The following AEN variants were observed in gnomAD, a reference collection of about 807,000 sequenced individuals.
AEN encodes apoptosis enhancing nuclease, also known as apoptosis-enhancing nuclease.
AEN carries 21 observed loss-of-function variants against 17.7 expected under a neutral mutation model. The ratio of observed to expected loss-of-function variants is 1.19; its 90% confidence interval spans 0.84 to 1.71. AEN has a LOEUF of 1.71. Among genes scored for constraint, AEN ranks in the 40% most tolerant of loss-of-function variants. The pLI, the probability that AEN is intolerant of heterozygous loss-of-function variation, is 0.00. For missense variants in AEN, 462 were observed against 435.9 expected, an observed-to-expected ratio of 1.06 and a Z score of -0.53; for synonymous variants, 190 against 173.0, an observed-to-expected ratio of 1.10 and a Z score of -0.77.
chr15:88,616,234 C>T, the AEN span, among the ~76,000 whole-genome samples: 1 of 152,240 alleles, frequency 6.6e-6, no homozygotes, highest in South Asian at 2.1e-4. Flanking sequence ...GCTAGGATTA[C>T]AGGCAAGTGT....
At chr15:88,613,484 A>G in the AEN span, among the ~76,000 whole-genome samples, 10 of 151,902 alleles carry the variant, frequency 6.6e-5, no homozygotes, top group Non-Finnish European at 1.3e-4. Flanking sequence ...GCTGGAGAAC[A>G]GGAGAGGAGG....
rs10701067 is a variant in AEN, at chr15:88,624,883, C to CAAAAAA, written c.-64-1262_-64-1257dup. Among the ~76,000 whole-genome samples, 1,356 of 148,488 alleles carry CAAAAAA rather than the reference C, an allele frequency of 9.1e-3. 14 individuals are homozygous for CAAAAAA. Among genetic ancestry groups the CAAAAAA allele is most frequent in the African/African-American group, 0.028 (1,118 of 40,620 alleles). ...GGGTAACGAGAACGAAACTCCGCCTCAAAAAATGCCAAGTTAAACCCTGCT... is the reference window on the plus strand; with the variant it reads ...GGGTAACGAGAACGAAACTCCGCCTCAAAAAAAAAAAATGCCAAGTTAAACCCTGCT... On this transcript the variant is annotated intron_variant, in intron 1 of 3. Transcript: ENST00000332810.
the AEN span, among the ~76,000 whole-genome samples, chr15:88,615,040 T>A: frequency 6.6e-6 from 1 of 152,138 alleles, no homozygotes; most frequent in African/African-American, 2.4e-5. Context: ...AATTTTTTTG[T>A]ATTTTTAGTA....
At position 88,626,413 on chromosome 15, in the gene AEN, C is replaced by A. The variant is rs780933013; in HGVS notation, c.204C>A (p.Phe68Leu). 1.2e-6 allele frequency: 2 copies of A among 1,612,640 alleles called. No homozygotes were observed. The highest frequency in any genetic ancestry group is 1.1e-5 in the South Asian group (1 of 90,968). Residue 68 changes from phenylalanine to leucine, a missense_variant, in exon 2 of 4, where the codon TTC becomes TTA. Physicochemically the swap from Phe to Leu is conservative, Grantham distance 22. Transcript: ENST00000332810. Reference sequence around the variant, plus strand: ...GGTCCTCCCCACTGCCCACCCCTTTCGGGGCAGCGACAGCAACTGAAGCTG... The same window carrying A: ...GGTCCTCCCCACTGCCCACCCCTTTAGGGGCAGCGACAGCAACTGAAGCTG... ...EPGSSPLPTP[F>L]GAATATEAAS... is the part of the protein sequence containing the mutation.
In AEN at chr15:88,626,638, T is replaced by C. The variant is rs560646820; in HGVS notation, c.429T>C (p.Tyr143=). ...TGAGCTACCATGGCAATGTCCTCTA[T>C]GACAAGTACATCAGGCCTGAGATGC... The part of the protein sequence containing the change: ...SIVSYHGNVL[Y]DKYIRPEMPI... The change falls in exon 2 of 4, where the codon TAT becomes TAC. Residue 143 remains tyrosine (Y), a synonymous_variant. Coordinates refer to ENST00000332810, the MANE Select transcript of AEN (RefSeq NM_022767.4). 1.2e-6 allele frequency: 2 copies of C among 1,614,050 alleles called. No homozygotes were observed. The highest frequency in any genetic ancestry group is 1.3e-5 in the African/African-American group (1 of 75,076).
At chr15:88,622,232 C>T (rs1340157963) in intron 1 of AEN, among the ~76,000 whole-genome samples, 2 of 152,122 alleles carry the variant, frequency 1.3e-5, no homozygotes, top group South Asian at 2.1e-4. Context: ...GGTGTCTGAC[C>T]CCCAGAGCGC....
Position 88,631,047 on chromosome 15 carries a change from A to G in AEN, c.*753A>G. 4.5e-6 allele frequency: 2 copies of G among 446,820 alleles called. No individual in the cohort carries two copies. Among genetic ancestry groups the G allele is most frequent in the East Asian group, 1.4e-4 (2 of 14,080 alleles). The allele number at this position is 446,820 out of a possible 1,614,324, so 27.7% of individuals were successfully genotyped here. A position where few individuals can be genotyped will look rare whatever the true frequency, so the allele number is the denominator to read the frequency against. On this transcript the variant is annotated 3_prime_UTR_variant, in exon 4 of 4. Coordinates refer to ENST00000332810, the MANE Select transcript of AEN (RefSeq NM_022767.4). ...GCTCAGGGAGGAGGGAAGGCAGGTA[A>G]GCTTTGGACGAGAACTGGCATATTT... is the stretch of plus-strand genomic sequence containing the variant.
chr15:88,626,335 C>T lies in AEN; in HGVS notation c.126C>T (p.Ala42=). The stretch of plus-strand genomic sequence containing the variant: ...GCCGACAGCACCAGCGGTTCATGGC[C>T]CGGAAGGCCTTGCTGCAGGAGCAGG... The part of the protein sequence containing the change: ...RRSRQHQRFM[A]RKALLQEQGL... Residue 42 remains alanine (A), a synonymous_variant, in exon 2 of 4, where the codon GCC becomes GCT. Coordinates refer to ENST00000332810, the MANE Select transcript of AEN (RefSeq NM_022767.4). 6.2e-7 allele frequency: 1 copy of T among 1,613,562 alleles called. No homozygotes were observed. The highest frequency in any genetic ancestry group is 8.5e-7 in the Non-Finnish European group (1 of 1,179,898).
At chr15:88,628,856 AG>A (rs2057888299) in intron 2 of AEN, 1 of 208,692 alleles carries the variant, frequency 4.8e-6, no homozygotes, top group African/African-American at 2.3e-5. Flanking sequence ...GTGGAGTGGG[AG>A]GCCTGGTGAC....
rs2057916889 is a variant in AEN, at chr15:88,630,672, GATCAT to G, written c.*384_*388del. 2 of 259,164 alleles carry G rather than the reference GATCAT, an allele frequency of 7.7e-6. No individual in the cohort carries two copies. The highest frequency in any genetic ancestry group is 4.4e-5 in the African/African-American group (2 of 45,536). 16.1% of individuals were successfully genotyped at this position (259,164 alleles called of 1,614,324 possible). On this transcript the variant is annotated 3_prime_UTR_variant, in exon 4 of 4. Transcript: ENST00000332810. This position sits in a 1 kb window ranked among gnomAD's most constrained non-coding sequence, Gnocchi z 5.1. ...GTCATCATGCTGTGCTAATGAAAGG[GATCAT>G]ATCATCCTCTCTGGGGATGGTGGGT...
chr15:88,619,993 A>T (rs1399520046), upstream of AEN, among the ~76,000 whole-genome samples: 1 of 152,170 alleles, frequency 6.6e-6, no homozygotes. Context: ...ATGCAGATTC[A>T]CTGGTAAACT....
intron 2 of AEN, chr15:88,627,001 A>G: frequency 8.3e-6 from 4 of 482,678 alleles, no homozygotes; most frequent in South Asian, 3.0e-5. Flanking sequence ...AAGGTGATAA[A>G]TAGCTTACAT....
At position 88,631,298 on chromosome 15, in the gene AEN, T is replaced by TCCAGAC. The variant is rs1771799094; in HGVS notation, c.*1005_*1006insCAGACC. The TCCAGAC allele has an allele frequency of 5.3e-6, 2 of 380,742 alleles. No individual in the cohort carries two copies. The highest frequency in any genetic ancestry group is 4.1e-5 in the African/African-American group (2 of 48,662). 23.6% of individuals were successfully genotyped at this position (380,742 alleles called of 1,614,324 possible). A position where few individuals can be genotyped will look rare whatever the true frequency, so the allele number is the denominator to read the frequency against. The stretch of plus-strand genomic sequence containing the variant: ...AGTTACGCAGTGGCCCTGAACCTGG[T>TCCAGAC]CTGGTGCCCCCGAACCTGGTCTGAT... On this transcript the variant is annotated 3_prime_UTR_variant, in exon 4 of 4. Coordinates refer to ENST00000332810, the MANE Select transcript of AEN (RefSeq NM_022767.4).
rs1385367853 is a variant in AEN, at chr15:88,631,190, CTTTA to C, written c.*907_*910del. The C allele has an allele frequency of 6.6e-6, 3 of 456,508 alleles. No individual in the cohort carries two copies. Among genetic ancestry groups the C allele is most frequent in the Admixed American group, 2.3e-5 (1 of 42,566 alleles). The allele number at this position is 456,508 out of a possible 1,614,324, so 28.3% of individuals were successfully genotyped here. On this transcript the variant is annotated 3_prime_UTR_variant, in exon 4 of 4. Transcript: ENST00000332810. ...GCCTTTGTGTAGGATTGTGCCTGAC[CTTTA>C]TTTATTTATTAACAGCAGGGCCACT...
chr15:88,620,380 TACTC>T (rs1486131401), upstream of AEN, among the ~76,000 whole-genome samples: 1 of 152,140 alleles, frequency 6.6e-6, no homozygotes, highest in Non-Finnish European at 1.5e-5. Context: ...TTCTTGTTAT[TACTC>T]ATGTTACACT....
At chr15:88,628,883 A>C in intron 2 of AEN, 1 of 237,184 alleles carries the variant, frequency 4.2e-6, no homozygotes, top group Non-Finnish European at 8.4e-6. Flanking sequence ...CCAGGCTGAG[A>C]GGAGAGCCAA....
At chr15:88,629,457 G>A (rs769012260) in intron 3 of AEN, 31 bp downstream of exon 3, 3 of 1,606,090 alleles carry the variant, frequency 1.9e-6, no homozygotes, top group South Asian at 2.2e-5. Flanking sequence ...TGGAAGGGAG[G>A]GAGGCCCGCC....
At chr15:88,624,489 C>T (rs1023845875) in intron 1 of AEN, among the ~76,000 whole-genome samples, 1 of 152,156 alleles carries the variant, frequency 6.6e-6, no homozygotes, top group Non-Finnish European at 1.5e-5. Context: ...CAGGAAGACC[C>T]CAGCATACAT....
chr15:88,605,659 G>A, the AEN span, among the ~76,000 whole-genome samples: 1 of 152,254 alleles, frequency 6.6e-6, no homozygotes, highest in Non-Finnish European at 1.5e-5. This position sits in a 1 kb window ranked among gnomAD's most constrained non-coding sequence, Gnocchi z 7.6. Context: ...TCTGCTGAAA[G>A]AGAGCGCCTA....
Sources: gnomAD v4.1 joint callset for allele counts (sites outside exome capture counted in the v4.1 genomes callset) on GRCh38, gnomAD v4.1.1 for gene constraint, Gnocchi (gnomAD v3.1) non-coding constraint, MANE v1.5 for transcripts, NCBI Gene and HGNC (gene_info 2026-07-23, HGNC 2026-07-21) for gene names.